The following PPFIA2 variants were observed in gnomAD, a reference collection of about 807,000 sequenced individuals.
PPFIA2 encodes the protein PPFI scaffold protein A2.
Under a neutral mutation model 175.5 loss-of-function variants are expected in PPFIA2, and 46 were observed. That is an observed-to-expected ratio of 0.26 (90% CI 0.21 to 0.34). PPFIA2 has a LOEUF of 0.34. PPFIA2 is among the 10% of genes least tolerant of loss of function. PPFIA2 has a pLI of 1.00. For missense variants in PPFIA2, 1,179 were observed against 1,506.1 expected, an observed-to-expected ratio of 0.78 and a Z score of 3.60; for synonymous variants, 568 against 511.4, an observed-to-expected ratio of 1.11 and a Z score of -1.49.
chr12:81,449,643 T>A (rs945547886), intron 5 of PPFIA2, among the ~76,000 whole-genome samples: 14 of 152,170 alleles, frequency 9.2e-5, no homozygotes, highest in Non-Finnish European at 1.9e-4. Flanking sequence ...CTTTTTTTTA[T>A]TTTTTATTAT....
intron 4 of PPFIA2, among the ~76,000 whole-genome samples, chr12:81,673,630 C>G (rs900546283): frequency 6.6e-6 from 1 of 151,796 alleles, no homozygotes; most frequent in African/African-American, 2.4e-5. Flanking sequence ...GAAACATATG[C>G]CAAATATAGA....
chr12:81,358,131 A>G lies in PPFIA2; in HGVS notation c.1724T>C (p.Ile575Thr). ...SQSDYRTTKVIRRPRRGRMGV... is the reference protein window; with the variant it reads ...SQSDYRTTKVTRRPRRGRMGV... ...CATGCGGCCTCTCCTTGGTCTTCTTATTACTTTAGTTGTTCTGTAATCAGA... is the reference window on the plus strand; with the variant it reads ...CATGCGGCCTCTCCTTGGTCTTCTTGTTACTTTAGTTGTTCTGTAATCAGA... The change falls in exon 16 of 33, where the codon ATA becomes ACA. Residue 575 changes from isoleucine (I) to threonine (T), a missense_variant. Physicochemically the swap from Ile to Thr is moderately conservative, Grantham distance 89. Coordinates refer to ENST00000549396, the MANE Select transcript of PPFIA2 (RefSeq NM_003625.5). 1 of 1,602,928 alleles carries G rather than the reference A, an allele frequency of 6.2e-7. No individual in the cohort carries two copies. The highest frequency in any genetic ancestry group is 8.5e-7 in the Non-Finnish European group (1 of 1,174,318).
At chr12:81,543,681 C>T (rs540921096) in intron 4 of PPFIA2, among the ~76,000 whole-genome samples, 6 of 152,024 alleles carry the variant, frequency 3.9e-5, no homozygotes, top group Admixed American at 1.3e-4. Flanking sequence ...AGAGTATGGA[C>T]GTGGGCAGGA....
chr12:81,301,581 C>A (rs919713251), intron 22 of PPFIA2, among the ~76,000 whole-genome samples: 2 of 152,128 alleles, frequency 1.3e-5, no homozygotes, highest in African/African-American at 2.4e-5. Context: ...TCATAACTCT[C>A]CAATCACTTC....
chr12:81,716,272 T>A (rs1172557274), intron 3 of PPFIA2, among the ~76,000 whole-genome samples: 1 of 151,756 alleles, frequency 6.6e-6, no homozygotes, highest in African/African-American at 2.4e-5. Context: ...TGCCTTATTT[T>A]CTATGTGAAC....
In PPFIA2 at chr12:81,631,118, A is replaced by G. The variant is rs566284363; in HGVS notation, c.303+45673T>C. Among the ~76,000 whole-genome samples the G allele has an allele frequency of 8.6e-5, 13 of 151,802 alleles. No individual in the cohort carries two copies. The South Asian group carries it at 2.1e-3, about 24-fold the overall frequency. ...GCCATGTTGCCCAGGCTGATCTCAA[A>G]CTCCTGGGCTCAAGCGAGCCACCTG... On this transcript the variant is annotated intron_variant, in intron 4 of 32. Transcript: ENST00000549396.
At chr12:81,600,034 G>A (rs2059633612) in intron 4 of PPFIA2, among the ~76,000 whole-genome samples, 1 of 151,826 alleles carries the variant, frequency 6.6e-6, no homozygotes, top group Non-Finnish European at 1.5e-5. Flanking sequence ...TTTTTGCCTG[G>A]TTTCTCTACT....
intron 4 of PPFIA2, among the ~76,000 whole-genome samples, chr12:81,483,936 G>A (rs2058532909): frequency 6.6e-6 from 1 of 151,440 alleles, no homozygotes; most frequent in Non-Finnish European, 1.5e-5. Context: ...TGGGTTTGGT[G>A]ACCGATAAAA....
chr12:81,663,602 G>A (rs1241562796), intron 4 of PPFIA2, among the ~76,000 whole-genome samples: 7 of 152,098 alleles, frequency 4.6e-5, no homozygotes, highest in Non-Finnish European at 1.0e-4. Flanking sequence ...TCATGAAAAT[G>A]GCCATACTGC....
intron 4 of PPFIA2, among the ~76,000 whole-genome samples, chr12:81,547,470 G>C (rs1316604472): frequency 6.6e-6 from 1 of 151,836 alleles, no homozygotes; most frequent in East Asian, 1.9e-4. Flanking sequence ...CTGCCTCCCT[G>C]GTTCAAGCGA....
At chr12:81,682,258 T>C (rs2073773702) in intron 3 of PPFIA2, among the ~76,000 whole-genome samples, 2 of 151,900 alleles carry the variant, frequency 1.3e-5, no homozygotes, top group Admixed American at 1.3e-4. Flanking sequence ...GCAAAGGCCA[T>C]ATGAGAACAC....
In PPFIA2 at chr12:81,421,019, A is replaced by G. The variant is rs569541755; in HGVS notation, c.646-15116T>C. ...CAAGAGACAGTGGGATGATATATTC[A>G]AAGTACTGAAAGAAAATAACTGTCT... On this transcript the variant is annotated intron_variant, in intron 7 of 32. Transcript: ENST00000549396. Among the ~76,000 whole-genome samples the G allele has an allele frequency of 2.0e-5, 3 of 152,260 alleles. No homozygotes were observed. In the East Asian group the frequency reaches 5.8e-4, roughly 29 times the overall value.
At chr12:81,332,605 T>A (rs1420930407) in intron 21 of PPFIA2, among the ~76,000 whole-genome samples, 2 of 152,174 alleles carry the variant, frequency 1.3e-5, no homozygotes. Flanking sequence ...CTTGAGTTAT[T>A]ATTTATTCAT....
rs1451568920 is a variant in PPFIA2, at chr12:81,692,441, T to A, written c.250-15597A>T. ...GCCAGTAAGTGTTCAGGTAATTATTTACACAGGAATAAATAACTAATTTTA... is the reference window on the plus strand; with the variant it reads ...GCCAGTAAGTGTTCAGGTAATTATTAACACAGGAATAAATAACTAATTTTA... On this transcript the variant is annotated intron_variant, in intron 3 of 32. Transcript: ENST00000549396. 3.3e-5 allele frequency among the ~76,000 whole-genome samples: 5 copies of A among 152,304 alleles called. 1 individual carries two copies. The Middle Eastern group carries it at 0.014, about 414-fold the overall frequency.
chr12:81,427,097 G>A (rs2144221435), intron 7 of PPFIA2, among the ~76,000 whole-genome samples: 1 of 152,090 alleles, frequency 6.6e-6, no homozygotes, highest in East Asian at 1.9e-4. Context: ...GTGTAATGGA[G>A]TTATAAATTT....
At chr12:81,673,288 A>C (rs1195781283) in intron 4 of PPFIA2, among the ~76,000 whole-genome samples, 1 of 152,054 alleles carries the variant, frequency 6.6e-6, no homozygotes, top group African/African-American at 2.4e-5. Flanking sequence ...GAGTTCATGC[A>C]TTGCACCCCA....
chr12:81,376,929 AACAG>A (rs1205569473), intron 9 of PPFIA2, among the ~76,000 whole-genome samples: 17 of 152,092 alleles, frequency 1.1e-4, no homozygotes, highest in African/African-American at 3.9e-4. Flanking sequence ...TAATCAGATA[AACAG>A]ACAGCCTTTC....
intron 4 of PPFIA2, among the ~76,000 whole-genome samples, chr12:81,469,927 C>T (rs11114869): frequency 0.025 from 3,773 of 152,240 alleles, 91 homozygotes; most frequent in East Asian, 0.12. Context: ...GAGGGCACAG[C>T]GAGAAGGCAG....
chr12:81,579,846 A>C lies in PPFIA2; in HGVS notation c.303+96945T>G, dbSNP rs1230333786. On this transcript the variant is annotated intron_variant, in intron 4 of 32. Transcript: ENST00000549396. The stretch of plus-strand genomic sequence containing the variant: ...GATATTTTTGCATAGGCATCACCTC[A>C]GATTCAGATTAAAAATGCTAATTCA... Among the ~76,000 whole-genome samples, 4 of 151,950 alleles carry C rather than the reference A, an allele frequency of 2.6e-5. No homozygotes were observed. In the East Asian group the frequency reaches 7.8e-4, roughly 30 times the overall value.
Sources: allele counts gnomAD v4.1 joint callset (sites outside exome capture counted in the v4.1 genomes callset), GRCh38; gene constraint gnomAD v4.1.1; transcripts MANE v1.5; gene names NCBI Gene and HGNC (gene_info 2026-07-23, HGNC 2026-07-21).